NELL2: variants seen among roughly 807,000 people sequenced by gnomAD.
NELL2 encodes the protein neural EGFL like 2.
NELL2 carries 41 observed loss-of-function variants against 109.6 expected under a neutral mutation model. The ratio of observed to expected loss-of-function variants is 0.37; its 90% CI spans 0.29 to 0.49. NELL2 has a LOEUF of 0.49. Among genes scored for constraint, NELL2 ranks in the 20% least tolerant of loss-of-function variants. The pLI, the probability that NELL2 is intolerant of heterozygous loss-of-function variation, is 0.98. For missense variants in NELL2, 900 were observed against 1,008.3 expected (o/e 0.89, Z 1.45); for synonymous variants, 355 against 344.7 (o/e 1.03, Z -0.33).
upstream of NELL2, among the ~76,000 whole-genome samples, chr12:44,918,452 A>G (rs1945844542): frequency 6.6e-6 from 1 of 150,886 alleles, no homozygotes; most frequent in African/African-American, 2.4e-5. Context: ...TATAGTTTGT[A>G]TTACTCACTT....
intron 3 of NELL2, among the ~76,000 whole-genome samples, chr12:44,806,286 A>C (rs990869907): frequency 1.2e-4 from 18 of 151,918 alleles, no homozygotes; most frequent in African/African-American, 4.3e-4. Flanking sequence ...AAAGGTATTC[A>C]ACCTCATCAA....
intron 15 of NELL2, among the ~76,000 whole-genome samples, chr12:44,550,295 T>C (rs963759788): frequency 2.0e-5 from 3 of 151,972 alleles, no homozygotes; most frequent in African/African-American, 7.2e-5. Flanking sequence ...AATGACTACA[T>C]ATATATCCAA....
At chr12:44,800,461 A>T (rs1240462122) in intron 3 of NELL2, among the ~76,000 whole-genome samples, 1 of 152,150 alleles carries the variant, frequency 6.6e-6, no homozygotes, top group Non-Finnish European at 1.5e-5. Context: ...CTATGAAGGG[A>T]TGACTGCAAT....
At chr12:44,889,485 G>C (rs1323434353) in intron 1 of NELL2, among the ~76,000 whole-genome samples, 1 of 151,964 alleles carries the variant, frequency 6.6e-6, no homozygotes, top group Admixed American at 6.6e-5. Flanking sequence ...GGTACTTAAT[G>C]TTCATCTGAA....
intron 2 of NELL2, among the ~76,000 whole-genome samples, chr12:44,822,201 T>C (rs1156513318): frequency 6.6e-6 from 1 of 152,166 alleles, no homozygotes; most frequent in African/African-American, 2.4e-5. Context: ...ATTCCAACCA[T>C]GCAGATTATT....
chr12:44,753,837 C>T (rs190909031), intron 9 of NELL2, among the ~76,000 whole-genome samples: 1 of 145,896 alleles, frequency 6.9e-6, no homozygotes, highest in Non-Finnish European at 1.5e-5. Context: ...GGAATTTTCA[C>T]CTAATGTATT....
chr12:44,862,071 G>A (rs1299058339), intron 2 of NELL2, among the ~76,000 whole-genome samples: 1 of 152,166 alleles, frequency 6.6e-6, no homozygotes, highest in African/African-American at 2.4e-5. Context: ...CAAAACAATT[G>A]TTTTAATGAA....
intron 11 of NELL2, among the ~76,000 whole-genome samples, chr12:44,707,174 G>A (rs1321338891): frequency 6.6e-6 from 1 of 152,080 alleles, no homozygotes; most frequent in African/African-American, 2.4e-5. Context: ...CTCCTCCACA[G>A]GATAGAGTCA....
chr12:44,655,784 ATTAC>A (rs1477209653), intron 13 of NELL2, among the ~76,000 whole-genome samples: 2 of 152,140 alleles, frequency 1.3e-5, no homozygotes, highest in Non-Finnish European at 2.9e-5. Flanking sequence ...ATATTTTCAA[ATTAC>A]TTAATAAGTA....
chr12:44,519,961 T>A (rs999669397), intron 19 of NELL2, 44 bp downstream of exon 19: 4 of 1,525,970 alleles, frequency 2.6e-6, no homozygotes, highest in Non-Finnish European at 2.7e-6. Context: ...GAGCCCTGGG[T>A]GCAGCTGGCA....
At chr12:44,606,321 G>C (rs1421286364) in intron 15 of NELL2, among the ~76,000 whole-genome samples, 1 of 152,122 alleles carries the variant, frequency 6.6e-6, no homozygotes, top group Non-Finnish European at 1.5e-5. Flanking sequence ...AATAGAGGCA[G>C]AGCATGTACT....
chr12:44,806,485 GGTGT>G (rs765756636), intron 3 of NELL2, among the ~76,000 whole-genome samples: 2 of 151,756 alleles, frequency 1.3e-5, no homozygotes, highest in East Asian at 1.9e-4. Context: ...ACCTATATTT[GGTGT>G]GTGTAATTGT....
chr12:44,685,603 C>A (rs1381288409), intron 12 of NELL2, among the ~76,000 whole-genome samples: 1 of 152,198 alleles, frequency 6.6e-6, no homozygotes, highest in Middle Eastern at 3.4e-3. Flanking sequence ...TCTTTTATGG[C>A]AGCCCTGGTG....
intron 15 of NELL2, among the ~76,000 whole-genome samples, chr12:44,549,483 T>A (rs1942940053): frequency 6.6e-6 from 1 of 152,190 alleles, no homozygotes; most frequent in Non-Finnish European, 1.5e-5. Context: ...AAACTTCTAT[T>A]GTATTTGTCA....
chr12:44,790,222 A>G (rs146112205), intron 3 of NELL2, among the ~76,000 whole-genome samples: 2,196 of 152,242 alleles, frequency 0.014, 51 homozygotes, highest in African/African-American at 0.05. Flanking sequence ...AGAGCTGTGA[A>G]ACAAAAGCAC....
Position 44,714,638 on chromosome 12 carries a change from T to C in NELL2, c.1086+12A>G. ...GAAACAATTTTGAAAGACCCACGAATAGTCTTCTTACCTTGCACTCATAGA... is the reference window on the plus strand; with the variant it reads ...GAAACAATTTTGAAAGACCCACGAACAGTCTTCTTACCTTGCACTCATAGA... On this transcript the variant is annotated intron_variant, in intron 10 of 19. Transcript: ENST00000429094. 6.6e-7 allele frequency: 1 copy of C among 1,513,904 alleles called. No homozygotes were observed. The highest frequency in any genetic ancestry group is 8.9e-7 in the Non-Finnish European group (1 of 1,117,366). The allele number at this position is 1,513,904 out of a possible 1,614,324, so 93.8% of individuals were successfully genotyped here. A position where few individuals can be genotyped will look rare whatever the true frequency, so the allele number is the denominator to read the frequency against.
chr12:44,510,052 G>C (rs1357988164), intron 19 of NELL2, among the ~76,000 whole-genome samples: 1 of 152,036 alleles, frequency 6.6e-6, no homozygotes, highest in Non-Finnish European at 1.5e-5. Flanking sequence ...TTGATATAAG[G>C]TATCAAAACA....
At chr12:44,785,031 A>C (rs1942111849) in intron 3 of NELL2, among the ~76,000 whole-genome samples, 1 of 152,188 alleles carries the variant, frequency 6.6e-6, no homozygotes, top group East Asian at 1.9e-4. Context: ...GTTCTGGCCA[A>C]GGCAATCAGG....
intron 2 of NELL2, among the ~76,000 whole-genome samples, chr12:44,860,976 C>T (rs1385408969): frequency 1.1e-4 from 17 of 152,182 alleles, no homozygotes; most frequent in Admixed American, 1.1e-3. Flanking sequence ...AAGAACCACA[C>T]ATTAGAAAGA....
Sources: allele counts gnomAD v4.1 joint callset (sites outside exome capture counted in the v4.1 genomes callset), GRCh38; gene constraint gnomAD v4.1.1; transcripts MANE v1.5; gene names NCBI Gene and HGNC (gene_info 2026-07-23, HGNC 2026-07-21).